Variants in AATK observed in about 807,000 individuals in gnomAD.
The protein encoded by AATK is serine/threonine-protein kinase LMTK1.
AATK carries 91 observed loss-of-function variants against 114.3 expected under a neutral mutation model. The observed-to-expected ratio is 0.80, with a 90% CI of 0.67 to 0.95. AATK has a LOEUF of 0.95. Among genes scored for constraint, AATK ranks in the 40% least tolerant of loss-of-function variants. The pLI is 0.00. For missense variants in AATK, 2,176 were observed against 1,965.2 expected, an observed-to-expected ratio of 1.11 and a Z score of -2.03; for synonymous variants, 1,075 against 916.5, an observed-to-expected ratio of 1.17 and a Z score of -3.12.
intron 1 of AATK, among the ~76,000 whole-genome samples, chr17:81,156,163 TTACAA>T (rs2061361917): frequency 2.2e-4 from 2 of 8,954 alleles, no homozygotes; most frequent in Admixed American, 2.3e-3. Context: ...TGTTATCATG[TTACAA>T]TGTATGTTAC....
At position 81,121,452 on chromosome 17, in the gene AATK, C is replaced by T. The variant is rs116168676; in HGVS notation, c.2484G>A (p.Thr828=). The part of the protein sequence containing the change: ...DAPDALPDSP[T]PATGGEVSAI... ...CAGACACCTCGCCACCAGTAGCAGG[C>T]GTGGGAGAGTCAGGCAGGGCATCAG... The change falls in exon 11 of 14, where the codon ACG becomes ACA. Residue 828 remains threonine (T), a synonymous_variant. Transcript: ENST00000326724. 3,180 of 1,592,238 alleles carry T rather than the reference C, an allele frequency of 2.0e-3. 45 individuals are homozygous for T. In the African/African-American group the frequency reaches 0.033, roughly 17 times the overall value.
In AATK at chr17:81,138,623, CCA is replaced by C. The variant is rs766877473; in HGVS notation, c.56-4124_56-4123del. Among the ~76,000 whole-genome samples the C allele has an allele frequency of 3.4e-4, 49 of 145,752 alleles. 1 individual carries two copies. Among genetic ancestry groups the C allele is most frequent in the East Asian group, 1.7e-3 (8 of 4,674 alleles). On this transcript the variant is annotated intron_variant, in intron 1 of 13. Transcript: ENST00000326724. ...CCACACGCACAACACACACACATAC[CCA>C]CACACATATCCACACATCCACACAT...
rs1257216615 is a variant in AATK, at chr17:81,122,373, C to A, written c.1563G>T (p.Ala521=). The change falls in exon 11 of 14, where the codon GCG becomes GCT. Residue 521 remains alanine (A), a synonymous_variant. Coordinates refer to ENST00000326724, the MANE Select transcript of AATK (RefSeq NM_001080395.3). ...ACTCGCTGCCCAGCGACGGGCTGTG[C>A]GCGCTGAGCACCGGAACCACGCCCG... is the stretch of plus-strand genomic sequence containing the variant. ...APPGVVPVLS[A]HSPSLGSEYF... 9 of 1,497,926 alleles carry A rather than the reference C, an allele frequency of 6.0e-6. No individual in the cohort carries two copies. Among genetic ancestry groups the A allele is most frequent in the Non-Finnish European group, 8.0e-6 (9 of 1,127,962 alleles). 92.8% of individuals were successfully genotyped at this position (1,497,926 alleles called of 1,614,324 possible).
intron 1 of AATK, among the ~76,000 whole-genome samples, chr17:81,157,203 C>G (rs2146409967): frequency 6.6e-6 from 1 of 152,364 alleles, no homozygotes; most frequent in South Asian, 2.1e-4. Flanking sequence ...AAGGAGGATG[C>G]AGGCCAGCCA....
chr17:81,122,935 T>C lies in AATK; in HGVS notation c.1113-112A>G, dbSNP rs957576147. Reference sequence around the variant, plus strand: ...CCCAGTGTCTTGGGGGCATTAAGGGTATCTCCCACTTAATTGACACCCCAA... The same window carrying C: ...CCCAGTGTCTTGGGGGCATTAAGGGCATCTCCCACTTAATTGACACCCCAA... On this transcript the variant is annotated intron_variant, in intron 10 of 13. Transcript: ENST00000326724. 3.8e-6 allele frequency: 4 copies of C among 1,056,772 alleles called. No individual in the cohort carries two copies. The Admixed American group carries it at 1.0e-4, about 26-fold the overall frequency. The allele number at this position is 1,056,772 out of a possible 1,614,324, so 65.5% of individuals were successfully genotyped here.
chr17:81,165,405 C>G (rs535524310), intron 1 of AATK: 19 of 290,272 alleles, frequency 6.5e-5, no homozygotes, highest in Non-Finnish European at 1.2e-4. Context: ...CCCACCAAGG[C>G]CCCTCTCTTC....
At chr17:81,141,878 CT>C (rs1233474524) in intron 1 of AATK, among the ~76,000 whole-genome samples, 13 of 152,196 alleles carry the variant, frequency 8.5e-5, no homozygotes, top group Non-Finnish European at 1.8e-4. Flanking sequence ...CAGTTACTTA[CT>C]TTTTTTCTTT....
In AATK at chr17:81,166,069, C is replaced by T; in HGVS notation, c.-77G>A. 2.8e-6 allele frequency: 3 copies of T among 1,058,876 alleles called. No individual in the cohort carries two copies. Among genetic ancestry groups the T allele is most frequent in the Non-Finnish European group, 3.5e-6 (3 of 849,190 alleles). The allele number at this position is 1,058,876 out of a possible 1,614,324, so 65.6% of individuals were successfully genotyped here. Reference sequence around the variant, plus strand: ...CCCGCGGCCCCGGCCCGAGCCGCCGCATCACCCAGCGGCCGCCGCAGGTGC... The same window carrying T: ...CCCGCGGCCCCGGCCCGAGCCGCCGTATCACCCAGCGGCCGCCGCAGGTGC... On this transcript the variant is annotated 5_prime_UTR_variant, in exon 1 of 14. It removes an upstream start codon present in the reference 5' UTR. Transcript: ENST00000326724.
chr17:81,164,570 G>A (rs906731864), intron 1 of AATK, among the ~76,000 whole-genome samples: 4 of 152,254 alleles, frequency 2.6e-5, no homozygotes, highest in South Asian at 2.1e-4. Flanking sequence ...GCTCGAAGGC[G>A]GGGGAAAGGG....
Position 81,121,408 on chromosome 17 carries a change from G to A in AATK, c.2528C>T (p.Ala843Val), listed in dbSNP as rs756744130. The A allele has an allele frequency of 1.2e-6, 2 of 1,607,336 alleles. No homozygotes were observed. The highest frequency in any genetic ancestry group is 1.7e-5 in the Admixed American group (1 of 59,498). Residue 843 changes from alanine to valine, a missense_variant, in exon 11 of 14, where the codon GCC (alanine) becomes GTC (valine). Physicochemically the swap from Ala to Val is moderately conservative, Grantham distance 64 (BLOSUM62 0). This residue lies in a region of AATK where 1,701 missense variants were observed against 1,394.7 expected (regional missense o/e 1.22). Transcript: ENST00000326724. The part of the protein sequence containing the change: ...GEVSAIKLAS[A>V]LNGSSSSPEV... The stretch of plus-strand genomic sequence containing the variant: ...GGGAGAGCTGCTGCTGCCATTCAGG[G>A]CAGAAGCCAGCTTGATGGCAGACAC...
chr17:81,153,378 A>G (rs1324703536), intron 1 of AATK, among the ~76,000 whole-genome samples: 2 of 152,194 alleles, frequency 1.3e-5, no homozygotes, highest in Non-Finnish European at 2.9e-5. Flanking sequence ...CAATTTGAAG[A>G]TGTCACCAAT....
chr17:81,150,352 G>A (rs2061278791), intron 1 of AATK, among the ~76,000 whole-genome samples: 1 of 151,252 alleles, frequency 6.6e-6, no homozygotes. Context: ...CCACATTCTA[G>A]TGCTCCCCCC....
rs2060585185 is a variant in AATK, at chr17:81,117,792, G to A, written c.*610C>T. ...GGGAGCAGCCTGTTCCCTGTGGGAAGGGTGGGCTTACGGGTCTAGCTGAGT... is the reference window on the plus strand; with the variant it reads ...GGGAGCAGCCTGTTCCCTGTGGGAAAGGTGGGCTTACGGGTCTAGCTGAGT... On this transcript the variant is annotated 3_prime_UTR_variant, in exon 14 of 14. Coordinates refer to ENST00000326724, the MANE Select transcript of AATK (RefSeq NM_001080395.3). 1 of 152,340 alleles carries A rather than the reference G, an allele frequency of 6.6e-6. No homozygotes were observed. The highest frequency in any genetic ancestry group is 2.4e-5 in the African/African-American group (1 of 41,474). The allele number at this position is 152,340 out of a possible 1,614,324, so 9.4% of individuals were successfully genotyped here. A position where few individuals can be genotyped will look rare whatever the true frequency, so the allele number is the denominator to read the frequency against.
rs1006587803 is a variant in AATK, at chr17:81,161,272, G to A, written c.55+4666C>T. ...CTGGCGGGATCCTTCCTGCCTCTCC[G>A]GCACAGCGGCCCCAGGTGCTCCTGG... On this transcript the variant is annotated intron_variant, in intron 1 of 13. Coordinates refer to ENST00000326724, the MANE Select transcript of AATK (RefSeq NM_001080395.3). 4.6e-5 allele frequency among the ~76,000 whole-genome samples: 7 copies of A among 152,180 alleles called. No individual in the cohort carries two copies. The East Asian group carries it at 5.8e-4, about 13-fold the overall frequency.
chr17:81,160,846 C>G (rs1169125257), intron 1 of AATK, among the ~76,000 whole-genome samples: 1 of 152,226 alleles, frequency 6.6e-6, no homozygotes, highest in African/African-American at 2.4e-5. Flanking sequence ...AGCAGAACAG[C>G]GTGGTCCCAG....
In AATK at chr17:81,147,128, C is replaced by T. The variant is rs577184048; in HGVS notation, c.56-12627G>A. ...CTGTAATCTCAGCACTCTGGGAGGCCGAGGCAGACAGATCACGAAGTCGGG... is the reference window on the plus strand; with the variant it reads ...CTGTAATCTCAGCACTCTGGGAGGCTGAGGCAGACAGATCACGAAGTCGGG... On this transcript the variant is annotated intron_variant, in intron 1 of 13. Transcript: ENST00000326724. Among the ~76,000 whole-genome samples, 12 of 151,410 alleles carry T rather than the reference C, an allele frequency of 7.9e-5. No homozygotes were observed. In the East Asian group the frequency reaches 1.2e-3, roughly 15 times the overall value.
At chr17:81,148,298 T>G (rs1021835100) in intron 1 of AATK, among the ~76,000 whole-genome samples, 8 of 152,240 alleles carry the variant, frequency 5.3e-5, no homozygotes, top group African/African-American at 1.9e-4. Flanking sequence ...GGACGCAGAA[T>G]GGCCACCTGC....
chr17:81,154,817 ACGG>A (rs2061341746), intron 1 of AATK, among the ~76,000 whole-genome samples: 1 of 141,432 alleles, frequency 7.1e-6, no homozygotes, highest in African/African-American at 2.9e-5. Context: ...TTTAGTAGAG[ACGG>A]GGTTTCAACA....
intron 1 of AATK, among the ~76,000 whole-genome samples, chr17:81,164,020 C>T (rs957511903): frequency 2.6e-5 from 4 of 152,234 alleles, no homozygotes; most frequent in Non-Finnish European, 5.9e-5. Context: ...CGCTCCAATT[C>T]GGGGATGGCA....
Sources: gnomAD v4.1 joint callset for allele counts (sites outside exome capture counted in the v4.1 genomes callset) on GRCh38, gnomAD v4.1.1 for gene constraint, gnomAD v4.1.1 regional missense constraint, MANE v1.5 for transcripts, NCBI Gene and HGNC (gene_info 2026-07-23, HGNC 2026-07-21) for gene names.